The following IFNAR2 variants were observed in gnomAD, a reference collection of about 807,000 sequenced individuals.
IFNAR2 encodes interferon alpha/beta receptor 2.
IFNAR2 carries 30 observed loss-of-function variants against 49.4 expected under a neutral mutation model. The observed-to-expected ratio is 0.61, with a 90% confidence interval of 0.45 to 0.82. The LOEUF (loss-of-function observed/expected upper bound fraction) is 0.82. Among genes scored for constraint, IFNAR2 ranks in the 40% least tolerant of loss-of-function variants. The pLI is 0.00. For missense variants in IFNAR2, 600 were observed against 622.7 expected, an observed-to-expected ratio of 0.96 and a Z score of 0.39; for synonymous variants, 224 against 234.5, an observed-to-expected ratio of 0.96 and a Z score of 0.41.
In IFNAR2 at chr21:33,263,321, G is replaced by GTCA; in HGVS notation, c.1370_1371insCAT (p.Val457_Asp458insIle). The GTCA allele has an allele frequency of 6.2e-7, 1 of 1,614,178 alleles. No individual in the cohort carries two copies. The highest frequency in any genetic ancestry group is 8.5e-7 in the Non-Finnish European group (1 of 1,180,018). ...GCTATCGTCTCATCTGGAAGAGATG[G>GTCA]TTGACCCAGAGGATCCTGATAATGT... On this transcript the variant is annotated inframe_insertion, in exon 9 of 9. Transcript: ENST00000342136.
At chr21:33,243,168 C>T (rs569085141) in intron 2 of IFNAR2, among the ~76,000 whole-genome samples, 7 of 151,976 alleles carry the variant, frequency 4.6e-5, no homozygotes, top group African/African-American at 1.2e-4. Flanking sequence ...CTGCAGCCTC[C>T]GCCTCCTGGG....
rs1311135547 is a variant in IFNAR2 at position 33,230,702 on chromosome 21, A to C, written c.-84+486A>C. The C allele has an allele frequency of 1.2e-5, 5 of 425,648 alleles. No individual in the cohort carries two copies. In the East Asian group the frequency reaches 3.8e-4, roughly 32 times the overall value. The allele number at this position is 425,648 out of a possible 1,614,324, so 26.4% of individuals were successfully genotyped here. ...GGATTAGCCCCCCTCGACCTGCGTC[A>C]GGGTCACAGACTGCAGCCGGGGCTG... is the stretch of plus-strand genomic sequence containing the variant. On this transcript the variant is annotated intron_variant, in intron 1 of 8. Coordinates refer to ENST00000342136, the MANE Select transcript of IFNAR2 (RefSeq NM_001289125.3). This position sits in a 1 kb window ranked among gnomAD's most constrained non-coding sequence, Gnocchi z 5.5.
rs369040448 is a variant in IFNAR2, at chr21:33,263,306, C to T, written c.1354C>T (p.His452Tyr). The T allele has an allele frequency of 5.5e-5, 88 of 1,614,182 alleles. No homozygotes were observed. The African/African-American group carries it at 8.0e-4, about 15-fold the overall frequency. ...AGAAGCCCCTCTGATGCTATCGTCTCATCTGGAAGAGATGGTTGACCCAGA... is the reference window on the plus strand; with the variant it reads ...AGAAGCCCCTCTGATGCTATCGTCTTATCTGGAAGAGATGGTTGACCCAGA... ...DLEAPLMLSS[H>Y]LEEMVDPEDP... Residue 452 changes from histidine (H) to tyrosine (Y), a missense_variant, in exon 9 of 9, where the codon CAT becomes TAT. Coordinates refer to ENST00000342136, the MANE Select transcript of IFNAR2 (RefSeq NM_001289125.3).
chr21:33,262,704 C>A (rs1421189812), intron 8 of IFNAR2, 89 bp from the exon 9 acceptor site: 4 of 1,542,878 alleles, frequency 2.6e-6, no homozygotes, highest in Non-Finnish European at 3.6e-6. Flanking sequence ...CATCCCTGTG[C>A]CCCAGTGATT....
chr21:33,241,916 A>G lies in IFNAR2; in HGVS notation c.-7A>G, dbSNP rs1221356759. ...AAAGTCAAGAGAAGACTCTAAAAATAGCAAAGATGCTTTTGAGCCAGAATG... is the reference window on the plus strand; with the variant it reads ...AAAGTCAAGAGAAGACTCTAAAAATGGCAAAGATGCTTTTGAGCCAGAATG... On this transcript the variant is annotated 5_prime_UTR_variant, in exon 2 of 9. In the 5' UTR this introduces an upstream ATG that the reference lacks. Coordinates refer to ENST00000342136, the MANE Select transcript of IFNAR2 (RefSeq NM_001289125.3). 6.2e-7 allele frequency: 1 copy of G among 1,612,106 alleles called. No homozygotes were observed.
intron 6 of IFNAR2, among the ~76,000 whole-genome samples, chr21:33,249,738 T>C (rs569526319): frequency 6.6e-6 from 1 of 152,130 alleles, no homozygotes; most frequent in Non-Finnish European, 1.5e-5. Context: ...TGTAGAGCCC[T>C]TTGCCAAGTA....
intron 1 of IFNAR2, among the ~76,000 whole-genome samples, chr21:33,240,873 G>T (rs1260110474): frequency 6.6e-6 from 1 of 151,756 alleles, no homozygotes; most frequent in Non-Finnish European, 1.5e-5. Context: ...AAAAAAGAAT[G>T]AAATCGTGTT....
intron 1 of IFNAR2, among the ~76,000 whole-genome samples, chr21:33,240,608 G>C (rs1215710863): frequency 1.3e-5 from 2 of 152,102 alleles, no homozygotes; most frequent in East Asian, 3.9e-4. Flanking sequence ...CCAGGAGTTT[G>C]AGATCAGCCT....
chr21:33,237,107 G>GTGTGTGTGTGTGTA (rs1568876871), intron 1 of IFNAR2, among the ~76,000 whole-genome samples: 1 of 146,356 alleles, frequency 6.8e-6, no homozygotes, highest in African/African-American at 2.5e-5. Context: ...GTGTGTGTGT[G>GTGTGTGTGTGTGTA]TGTTTTCTCG....
intron 7 of IFNAR2, among the ~76,000 whole-genome samples, chr21:33,257,467 G>T (rs1413522391): frequency 6.6e-6 from 1 of 152,176 alleles, no homozygotes; most frequent in African/African-American, 2.4e-5. Flanking sequence ...CCCTTCCCGT[G>T]TTCGTTTCTG....
chr21:33,260,468 T>C, intron 7 of IFNAR2, 129 bp from the exon 8 acceptor site: 1 of 740,944 alleles, frequency 1.3e-6, no homozygotes, highest in Non-Finnish European at 2.1e-6. Context: ...TATTTCTCAA[T>C]ATAAAACTGT....
Position 33,263,467 on chromosome 21 carries a change from T to C in IFNAR2, c.1515T>C (p.Asp505=). The C allele has an allele frequency of 6.2e-7, 1 of 1,613,126 alleles. No individual in the cohort carries two copies. Among genetic ancestry groups the C allele is most frequent in the Non-Finnish European group, 8.5e-7 (1 of 1,179,550 alleles). The change falls in exon 9 of 9, where the codon GAT becomes GAC. Residue 505 remains aspartate, a synonymous_variant. Transcript: ENST00000342136. ...ATCAAAGTGACACTTCTGAGTCAGA[T>C]GTTGACCTTGGGGATGGTTATATAA... is the stretch of plus-strand genomic sequence containing the variant. ...PSDQSDTSES[D]VDLGDGYIMR is the part of the protein sequence containing the mutation.
intron 7 of IFNAR2, among the ~76,000 whole-genome samples, chr21:33,257,176 T>C (rs1274280572): frequency 1.3e-5 from 2 of 152,190 alleles, no homozygotes; most frequent in African/African-American, 4.8e-5. Context: ...ATCTATGGCA[T>C]GGCCTCCAGA....
intron 7 of IFNAR2, among the ~76,000 whole-genome samples, chr21:33,253,215 C>A (rs1349356929): frequency 6.6e-6 from 1 of 152,140 alleles, no homozygotes; most frequent in Non-Finnish European, 1.5e-5. Context: ...GTGGAAGCAG[C>A]GAGGTTGGGT....
At position 33,230,416 on chromosome 21, in the gene IFNAR2, C is replaced by A; in HGVS notation, c.-84+200C>A. 2.1e-6 allele frequency: 1 copy of A among 466,120 alleles called. No individual in the cohort carries two copies. Among genetic ancestry groups the A allele is most frequent in the Non-Finnish European group, 4.0e-6 (1 of 250,464 alleles). The allele number at this position is 466,120 out of a possible 1,614,324, so 28.9% of individuals were successfully genotyped here. ...TTCCTCTCTCCCGGGGCCGCACCTG[C>A]GACCCCAGGACCCCTCCCGGGCCCT... On this transcript the variant is annotated intron_variant, in intron 1 of 8. Transcript: ENST00000342136. The surrounding 1 kb of genome is among the most constrained non-coding windows in gnomAD (Gnocchi z 5.5).
chr21:33,243,592 A>G, intron 2 of IFNAR2, 81 bp from the exon 3 acceptor site: 1 of 1,240,546 alleles, frequency 8.1e-7, no homozygotes, highest in Non-Finnish European at 1.2e-6. Flanking sequence ...TGTGTGTTAA[A>G]GAATGTCAGA....
intron 8 of IFNAR2, 45 bp from the exon 9 acceptor site, chr21:33,262,748 G>T (rs1601820934): frequency 4.4e-6 from 7 of 1,590,850 alleles, no homozygotes; most frequent in South Asian, 1.1e-5. Flanking sequence ...AGAGCAAACA[G>T]TACAGCTGAT....
At chr21:33,237,560 C>T (rs575611456) in intron 1 of IFNAR2, among the ~76,000 whole-genome samples, 3 of 152,264 alleles carry the variant, frequency 2.0e-5, no homozygotes, top group Middle Eastern at 6.8e-3. Context: ...TGCCCTTCTA[C>T]AATCTGGATG....
intron 6 of IFNAR2, among the ~76,000 whole-genome samples, chr21:33,249,266 C>A (rs2123493129): frequency 6.6e-6 from 1 of 150,436 alleles, no homozygotes; most frequent in African/African-American, 2.5e-5. Flanking sequence ...ATCGCTTGAA[C>A]CTAGGAGGCA....
Sources: allele counts gnomAD v4.1 joint callset (sites outside exome capture counted in the v4.1 genomes callset), GRCh38; gene constraint gnomAD v4.1.1; non-coding constraint Gnocchi (gnomAD v3.1); transcripts MANE v1.5; gene names NCBI Gene and HGNC (gene_info 2026-07-23, HGNC 2026-07-21).